Variants in ANKRD55 observed in about 807,000 individuals in gnomAD.
ANKRD55 encodes ankyrin repeat domain 55, also known as ankyrin repeat domain-containing protein 55.
ANKRD55 carries 41 observed loss-of-function variants against 60.6 expected under a neutral mutation model. The observed-to-expected ratio is 0.68, with a 90% CI of 0.53 to 0.88. ANKRD55 has a LOEUF of 0.88. ANKRD55 is among the 40% of genes least tolerant of loss of function. The probability of loss-of-function intolerance (pLI) is 0.00; values close to 1 mark genes in which losing one functional copy is unlikely to be tolerated. For synonymous variants in ANKRD55, 264 were observed against 290.3 expected (o/e 0.91, Z 0.92); for missense variants, 732 against 767.6 (o/e 0.95, Z 0.55).
At chr5:56,134,590 AAAAAAG>A (rs1039483931) in intron 7 of ANKRD55, among the ~76,000 whole-genome samples, 1 of 151,892 alleles carries the variant, frequency 6.6e-6, no homozygotes, top group African/African-American at 2.4e-5. Context: ...CAAAAAAAAA[AAAAAAG>A]ATATAAATTG....
At position 56,229,064 on chromosome 5, in the gene ANKRD55, TC is replaced by T. The variant is rs764320647; in HGVS notation, c.58+3791del. On this transcript the variant is annotated intron_variant, in intron 2 of 11. Coordinates refer to ENST00000341048, the MANE Select transcript of ANKRD55 (RefSeq NM_024669.3). ...GTGGGTGAGGCCCTGAGGCTACCCA[TC>T]CCCCCACCTCCCGCCGACCCCTCGC... Among the ~76,000 whole-genome samples the T allele has an allele frequency of 5.8e-3, 814 of 139,152 alleles. 4 individuals carry two copies. Among genetic ancestry groups the T allele is most frequent in the Non-Finnish European group, 9.9e-3 (646 of 65,350 alleles). The allele number at this position is 139,152 out of a possible 152,430, so 91.3% of individuals were successfully genotyped here.
chr5:56,222,132 C>T (rs1285741284), intron 2 of ANKRD55, among the ~76,000 whole-genome samples: 2 of 152,138 alleles, frequency 1.3e-5, no homozygotes, highest in African/African-American at 4.8e-5. Flanking sequence ...AGCCAGGTGC[C>T]TCTCTGAGAC....
chr5:56,143,864 C>G lies in ANKRD55; in HGVS notation c.549G>C (p.Lys183Asn). ...CCACAAGGGTGGGGTCTGCCCCCTT[C>G]TTCAGCAGCATTTGTGTGTGTTGAG... ...NQPQHTQMLL[K>N]KGADPTLVDK... Residue 183 changes from lysine (K) to asparagine (N), a missense_variant, in exon 7 of 12, where the codon AAG (lysine) becomes AAC (asparagine). Lys to Asn is a moderately conservative substitution (Grantham distance 94, BLOSUM62 0). Coordinates refer to ENST00000341048, the MANE Select transcript of ANKRD55 (RefSeq NM_024669.3). 1 of 1,614,194 alleles carries G rather than the reference C, an allele frequency of 6.2e-7. No homozygotes were observed. Among genetic ancestry groups the G allele is most frequent in the South Asian group, 1.1e-5 (1 of 91,080 alleles).
intron 2 of ANKRD55, among the ~76,000 whole-genome samples, chr5:56,219,384 G>A (rs375083709): frequency 3.3e-5 from 5 of 151,630 alleles, no homozygotes; most frequent in Non-Finnish European, 5.9e-5. Context: ...TACTTTCCAC[G>A]TATACTGGAA....
intron 2 of ANKRD55, among the ~76,000 whole-genome samples, chr5:56,232,381 AT>A (rs958096514): frequency 1.3e-5 from 2 of 152,228 alleles, no homozygotes; most frequent in African/African-American, 4.8e-5. Context: ...GGCAACATCT[AT>A]TCCTGAAAGG....
intron 6 of ANKRD55, among the ~76,000 whole-genome samples, chr5:56,153,133 G>C (rs947128623): frequency 2.1e-5 from 3 of 146,206 alleles, no homozygotes; most frequent in Non-Finnish European, 4.5e-5. Flanking sequence ...ATGTAAACAG[G>C]CAAGTCACAA....
intron 8 of ANKRD55, among the ~76,000 whole-genome samples, chr5:56,122,574 G>A (rs538310003): frequency 1.7e-4 from 26 of 151,904 alleles, no homozygotes; most frequent in Non-Finnish European, 3.5e-4. Context: ...CAGGAGAATC[G>A]CTTGAACCAG....
At chr5:56,141,901 A>G (rs143641570) in intron 7 of ANKRD55, among the ~76,000 whole-genome samples, 266 of 152,342 alleles carry the variant, frequency 1.7e-3, no homozygotes, top group South Asian at 0.012. Flanking sequence ...CTTATCAAAG[A>G]TACCTTTATC....
chr5:56,116,200 C>G (rs990412030), intron 9 of ANKRD55, among the ~76,000 whole-genome samples: 8 of 152,206 alleles, frequency 5.3e-5, no homozygotes, highest in South Asian at 2.1e-4. Context: ...GGGTTTGACT[C>G]TCATAAACTA....
intron 2 of ANKRD55, among the ~76,000 whole-genome samples, chr5:56,217,705 T>C (rs1370831675): frequency 6.6e-6 from 1 of 152,062 alleles, no homozygotes; most frequent in African/African-American, 2.4e-5. Flanking sequence ...CCGTCCTGGC[T>C]AACATGGTGA....
At chr5:56,156,705 C>T (rs1758202827) in intron 6 of ANKRD55, among the ~76,000 whole-genome samples, 1 of 152,218 alleles carries the variant, frequency 6.6e-6, no homozygotes, top group African/African-American at 2.4e-5. Flanking sequence ...CTCCAGCTCC[C>T]TGCTTCGACA....
At chr5:56,206,921 G>A (rs145271377) in intron 2 of ANKRD55, among the ~76,000 whole-genome samples, 33 of 152,308 alleles carry the variant, frequency 2.2e-4, no homozygotes, top group African/African-American at 7.0e-4. Context: ...GGGTGGCAGG[G>A]CTGGTGGACC....
intron 2 of ANKRD55, among the ~76,000 whole-genome samples, chr5:56,197,108 C>T (rs952815181): frequency 6.6e-6 from 1 of 152,026 alleles, no homozygotes; most frequent in African/African-American, 2.4e-5. Context: ...AGATTACTGC[C>T]CCATTATTAA....
At chr5:56,139,115 T>C (rs1757687081) in intron 7 of ANKRD55, among the ~76,000 whole-genome samples, 1 of 152,130 alleles carries the variant, frequency 6.6e-6, no homozygotes, top group South Asian at 2.1e-4. Context: ...ATATGTGACA[T>C]ATTTCTGCAA....
chr5:56,229,019 AC>A (rs1451775121), intron 2 of ANKRD55, among the ~76,000 whole-genome samples: 1 of 139,612 alleles, frequency 7.2e-6, no homozygotes, highest in Non-Finnish European at 1.5e-5. Context: ...GGCCCTCCTC[AC>A]CCCCAACAAT....
intron 5 of ANKRD55, among the ~76,000 whole-genome samples, chr5:56,160,383 C>T (rs577055444): frequency 7.9e-5 from 12 of 152,280 alleles, no homozygotes; most frequent in Admixed American, 3.9e-4. Flanking sequence ...GGACTACAGG[C>T]GCCCCGCACC....
At chr5:56,194,749 C>A (rs1759191351) in intron 2 of ANKRD55, among the ~76,000 whole-genome samples, 1 of 152,132 alleles carries the variant, frequency 6.6e-6, no homozygotes, top group African/African-American at 2.4e-5. Context: ...CAAATTTACC[C>A]ATTGTTAATT....
At chr5:56,225,635 G>C (rs1430300736) in intron 2 of ANKRD55, among the ~76,000 whole-genome samples, 2 of 152,162 alleles carry the variant, frequency 1.3e-5, no homozygotes, top group Non-Finnish European at 2.9e-5. Context: ...CTTCAGCAAA[G>C]TCTCAGGATA....
At chr5:56,193,069 C>A in intron 2 of ANKRD55, 1 of 811,346 alleles carries the variant, frequency 1.2e-6, no homozygotes, top group Non-Finnish European at 1.9e-6. Flanking sequence ...ACACATATTT[C>A]ATACTAGATA....
Sources: allele counts gnomAD v4.1 joint callset (sites outside exome capture counted in the v4.1 genomes callset), GRCh38; gene constraint gnomAD v4.1.1; transcripts MANE v1.5; gene names NCBI Gene and HGNC (gene_info 2026-07-23, HGNC 2026-07-21).